Variants in MBNL1 observed in about 807,000 individuals in gnomAD.
MBNL1 encodes muscleblind-like protein 1.
MBNL1 carries 8 observed loss-of-function variants against 42.2 expected under a neutral mutation model. The ratio of observed to expected loss-of-function variants is 0.19; its 90% confidence interval spans 0.11 to 0.34. The LOEUF (loss-of-function observed/expected upper bound fraction) is 0.34, where lower values mean the gene tolerates loss of function less well. Among genes scored for constraint, MBNL1 ranks in the 10% least tolerant of loss-of-function variants. The pLI, the probability that MBNL1 is intolerant of heterozygous loss-of-function variation, is 1.00. For synonymous variants in MBNL1, 169 were observed against 173.9 expected (o/e 0.97, Z 0.22); for missense variants, 309 against 495.3 (o/e 0.62, Z 3.57).
intron 2 of MBNL1, among the ~76,000 whole-genome samples, chr3:152,399,534 ACAGGCTTTTGCTCTGTCACC>A (rs2098126472): frequency 1.3e-5 from 2 of 151,158 alleles, no homozygotes; most frequent in African/African-American, 4.9e-5. Flanking sequence ...TTTTTTTGAG[ACAGGCTTTTGCTCTGTCACC>A]CAGGCTGGAG....
rs1748971574 is a variant in MBNL1, at chr3:152,463,956, G to A, written c.*1590G>A. ...ATGCTTTCTAATATAAGACTGATGT[G>A]TTGATTTTACTGATTGTACTGTACA... is the stretch of plus-strand genomic sequence containing the variant. On this transcript the variant is annotated 3_prime_UTR_variant, in exon 10 of 10. Coordinates refer to ENST00000324210, the MANE Select transcript of MBNL1 (RefSeq NM_021038.5). The A allele has an allele frequency of 6.6e-6, 1 of 152,496 alleles. No homozygotes were observed. The highest frequency in any genetic ancestry group is 1.5e-5 in the Non-Finnish European group (1 of 67,968). 9.4% of individuals were successfully genotyped at this position (152,496 alleles called of 1,614,324 possible). A position where few individuals can be genotyped will look rare whatever the true frequency, so the allele number is the denominator to read the frequency against.
intron 2 of MBNL1, among the ~76,000 whole-genome samples, chr3:152,304,936 T>G (rs1167857943): frequency 3.3e-5 from 5 of 152,210 alleles, no homozygotes; most frequent in Non-Finnish European, 4.4e-5. Flanking sequence ...AAACCATGTT[T>G]CGAATCAAGC....
chr3:152,267,561 C>G (rs1430428662), upstream of MBNL1: 1 of 152,152 alleles, frequency 6.6e-6, no homozygotes, highest in East Asian at 1.9e-4. Context: ...TAGAAAGTTC[C>G]CATCCCTGTT....
In MBNL1 at chr3:152,464,153, T is replaced by G. The variant is rs1749098224; in HGVS notation, c.*1787T>G. On this transcript the variant is annotated 3_prime_UTR_variant, in exon 10 of 10. Transcript: ENST00000324210. ...TTTTTCATTTCCTACATTTATTAGA[T>G]TTTCATTTTCTATTAACAATTGAAT... The G allele has an allele frequency of 6.6e-6, 1 of 152,504 alleles. No homozygotes were observed. 9.4% of individuals were successfully genotyped at this position (152,504 alleles called of 1,614,324 possible).
chr3:152,426,052 A>G (rs1036432671), intron 3 of MBNL1, among the ~76,000 whole-genome samples: 15 of 152,218 alleles, frequency 9.9e-5, no homozygotes, highest in African/African-American at 3.6e-4. Context: ...TTGCAGGGAC[A>G]TGGATGAAGC....
chr3:152,373,341 G>GAAAAAA (rs35536807), intron 2 of MBNL1, among the ~76,000 whole-genome samples: 1 of 90,542 alleles, frequency 1.1e-5, no homozygotes, highest in Admixed American at 1.3e-4. Context: ...CTGGGGTATG[G>GAAAAAA]AAAAAAAAAA....
At chr3:152,399,176 A>G (rs1003987740) in intron 2 of MBNL1, among the ~76,000 whole-genome samples, 2 of 152,126 alleles carry the variant, frequency 1.3e-5, no homozygotes, top group African/African-American at 4.8e-5. Context: ...GTCTCACCAT[A>G]CAGTAGGTGA....
At chr3:152,460,611 T>TAAAAAAA (rs1288958334) in intron 9 of MBNL1, among the ~76,000 whole-genome samples, 3 of 102,956 alleles carry the variant, frequency 2.9e-5, no homozygotes, top group Non-Finnish European at 4.3e-5. Context: ...ACTTAAAGTA[T>TAAAAAAA]AAAAAAAAAA....
Position 152,300,128 on chromosome 3 carries a change from C to A in MBNL1, c.-66C>A. ...TTCAGCTTTTTTTTTTTGGTTGTTG[C>A]TCTTTTTTGGGGGGGTTGGGTTTGT... On this transcript the variant is annotated 5_prime_UTR_variant, in exon 2 of 10. Coordinates refer to ENST00000324210, the MANE Select transcript of MBNL1 (RefSeq NM_021038.5). The A allele has an allele frequency of 2.1e-6, 2 of 975,544 alleles. No individual in the cohort carries two copies. Among genetic ancestry groups the A allele is most frequent in the Non-Finnish European group, 2.9e-6 (2 of 679,422 alleles). The allele number at this position is 975,544 out of a possible 1,614,324, so 60.4% of individuals were successfully genotyped here.
chr3:152,287,310 C>CT (rs2053129449), intron 1 of MBNL1, among the ~76,000 whole-genome samples: 2 of 152,040 alleles, frequency 1.3e-5, no homozygotes, highest in South Asian at 2.1e-4. Context: ...CATAACAGAG[C>CT]TTTTTTGTAA....
chr3:152,346,683 G>A (rs915587054), intron 2 of MBNL1, among the ~76,000 whole-genome samples: 3 of 151,908 alleles, frequency 2.0e-5, no homozygotes, highest in African/African-American at 7.3e-5. Context: ...TATCATTTAC[G>A]TCAAAAATGA....
At chr3:152,323,892 T>C (rs1355800373) in intron 2 of MBNL1, among the ~76,000 whole-genome samples, 3 of 152,194 alleles carry the variant, frequency 2.0e-5, no homozygotes, top group Non-Finnish European at 4.4e-5. Context: ...TCTAGTTCTA[T>C]GATTGGTTTT....
intron 2 of MBNL1, among the ~76,000 whole-genome samples, chr3:152,333,731 A>G (rs756723683): frequency 2.0e-5 from 3 of 152,238 alleles, no homozygotes; most frequent in Middle Eastern, 3.2e-3. Flanking sequence ...AGGGCACACA[A>G]TGTTACCTTA....
At chr3:152,460,637 ACT>A (rs1744087726) in intron 9 of MBNL1, among the ~76,000 whole-genome samples, 2 of 151,428 alleles carry the variant, frequency 1.3e-5, no homozygotes, top group Non-Finnish European at 3.0e-5. Flanking sequence ...AAAAAAAACC[ACT>A]GTCTTAAATA....
intron 2 of MBNL1, among the ~76,000 whole-genome samples, chr3:152,360,782 A>G (rs2095872098): frequency 6.6e-6 from 1 of 152,118 alleles, no homozygotes; most frequent in South Asian, 2.1e-4. Flanking sequence ...AGTTGTTAAC[A>G]TTTTGCTGAC....
At chr3:152,323,226 C>T (rs1237746184) in intron 2 of MBNL1, among the ~76,000 whole-genome samples, 1 of 152,016 alleles carries the variant, frequency 6.6e-6, no homozygotes, top group African/African-American at 2.4e-5. Flanking sequence ...GATAAAGGAA[C>T]TTAAAAAAGT....
intron 1 of MBNL1, among the ~76,000 whole-genome samples, chr3:152,280,777 A>G (rs573892759): frequency 6.6e-5 from 10 of 152,158 alleles, no homozygotes; most frequent in Non-Finnish European, 1.2e-4. Flanking sequence ...GCAACTGTGC[A>G]TATTCTTCTA....
At chr3:152,325,944 T>C (rs2079731873) in intron 2 of MBNL1, among the ~76,000 whole-genome samples, 1 of 152,170 alleles carries the variant, frequency 6.6e-6, no homozygotes. Context: ...TGTATCCGTA[T>C]GTGCATCAGC....
Position 152,269,069 on chromosome 3 carries a change from G to A in MBNL1, c.-813G>A. On this transcript the variant is annotated 5_prime_UTR_variant, in exon 1 of 10. Transcript: ENST00000324210. ...TGGGCACTTGGTCGACAGTGGGGCC[G>A]CCTCTGAAAAAAAAATGTGAGAGGT... The A allele has an allele frequency of 2.2e-6, 1 of 452,436 alleles. No homozygotes were observed. The highest frequency in any genetic ancestry group is 7.0e-5 in the East Asian group (1 of 14,342). The allele number at this position is 452,436 out of a possible 1,614,324, so 28.0% of individuals were successfully genotyped here.
Sources: allele counts gnomAD v4.1 joint callset (sites outside exome capture counted in the v4.1 genomes callset), GRCh38; gene constraint gnomAD v4.1.1; transcripts MANE v1.5; gene names NCBI Gene and HGNC (gene_info 2026-07-23, HGNC 2026-07-21).